DOCK11: variants seen among roughly 807,000 people sequenced by gnomAD.
DOCK11 encodes the protein dedicator of cytokinesis 11, also known as dedicator of cytokinesis protein 11.
A neutral mutation model predicts 169.1 loss-of-function variants in DOCK11; 70 were observed. The ratio of observed to expected loss-of-function variants is 0.41; its 90% CI spans 0.34 to 0.51. The LOEUF is 0.51. Among genes scored for constraint, DOCK11 ranks in the 20% least tolerant of loss-of-function variants. The pLI is 0.10. For missense variants in DOCK11, 1,166 were observed against 1,538.8 expected (o/e 0.76, Z 4.05); for synonymous variants, 529 against 541.3 (o/e 0.98, Z 0.32).
At chrX:118,515,458 C>T (rs2057676736) in intron 1 of DOCK11, among the ~76,000 whole-genome samples, 2 of 111,186 alleles carry the variant, frequency 1.8e-5, no homozygotes, top group Non-Finnish European at 3.8e-5. Flanking sequence ...GTCTCGAACT[C>T]CTGACCTCAG....
At chrX:118,664,375 G>A (rs1420727506) in intron 45 of DOCK11, among the ~76,000 whole-genome samples, 1 of 111,771 alleles carries the variant, frequency 8.9e-6, no homozygotes, top group Non-Finnish European at 1.9e-5. Flanking sequence ...TGGAACTGAG[G>A]CTGGGCGCAG....
At chrX:118,639,941 A>G (rs910788782) in intron 38 of DOCK11, among the ~76,000 whole-genome samples, 1 of 112,375 alleles carries the variant, frequency 8.9e-6, no homozygotes, top group African/African-American at 3.2e-5. Context: ...TGCTATTCTC[A>G]TAATATTTTT....
At chrX:118,662,898 G>C (rs985068512) in intron 45 of DOCK11, 106 bp downstream of exon 45, 2 of 525,328 alleles carry the variant, frequency 3.8e-6, no homozygotes, top group African/African-American at 2.4e-5. Context: ...GGTAACTAAG[G>C]GTTAATGAAC....
chrX:118,649,428 G>T (rs2015894482), intron 41 of DOCK11, among the ~76,000 whole-genome samples: 1 of 112,543 alleles, frequency 8.9e-6, no homozygotes, highest in African/African-American at 3.2e-5. Context: ...CTAGGTAATT[G>T]ATAATTACGT....
At position 118,593,139 on chromosome X, in the gene DOCK11, A is replaced by G. The variant is rs779486990; in HGVS notation, c.2140-75A>G. On this transcript the variant is annotated intron_variant, in intron 19 of 52. Coordinates refer to ENST00000276202, the MANE Select transcript of DOCK11 (RefSeq NM_144658.4). ...TAGGAAGTATTTTTGGAGCAGTATG[A>G]TGAAACTGAACTAATGTCTGACAGT... The G allele has an allele frequency of 1.1e-4, 116 of 1,080,352 alleles. No homozygotes were observed. The South Asian group carries it at 2.6e-3, about 24-fold the overall frequency. 89.0% of individuals were successfully genotyped at this position (1,080,352 alleles called of 1,213,427 possible).
intron 1 of DOCK11, among the ~76,000 whole-genome samples, chrX:118,535,085 A>G (rs1228798395): frequency 8.9e-6 from 1 of 112,566 alleles, no homozygotes; most frequent in Non-Finnish European, 1.9e-5. Flanking sequence ...GCAAGATCTC[A>G]CTTTGGTAAG....
intron 35 of DOCK11, chrX:118,633,338 A>G (rs2015301185): frequency 8.9e-6 from 1 of 112,243 alleles, no homozygotes; most frequent in South Asian, 3.7e-4. Flanking sequence ...TAAAGTTTCC[A>G]GTAAACTTTC....
Position 118,672,505 on chromosome X carries a change from T to C in DOCK11, c.5199+1360T>C, listed in dbSNP as rs766126108. Among the ~76,000 whole-genome samples the C allele has an allele frequency of 1.8e-4, 20 of 113,126 alleles. 1 individual carries two copies. The highest frequency in any genetic ancestry group is 1.8e-3 in the Admixed American group (19 of 10,767). ...CGGACTGCAGTGGCGCTATCTCGGC[T>C]CACTGCAAGCTCCACCTCCCGGGTT... On this transcript the variant is annotated intron_variant, in intron 46 of 52. Coordinates refer to ENST00000276202, the MANE Select transcript of DOCK11 (RefSeq NM_144658.4).
intron 40 of DOCK11, among the ~76,000 whole-genome samples, chrX:118,644,602 A>G (rs1355245031): frequency 8.9e-6 from 1 of 112,013 alleles, no homozygotes; most frequent in Non-Finnish European, 1.9e-5. Context: ...ATACACATAC[A>G]CAGAAACAAA....
chrX:118,590,293 C>G lies in DOCK11; in HGVS notation c.2130C>G (p.Phe710Leu). 8.4e-7 allele frequency: 1 copy of G among 1,195,666 alleles called. No individual in the cohort carries two copies. Among genetic ancestry groups the G allele is most frequent in the South Asian group, 1.8e-5 (1 of 56,099 alleles). Residue 710 changes from phenylalanine (F) to leucine (L), a missense_variant, in exon 19 of 53, where the codon TTC (phenylalanine) becomes TTG (leucine). Transcript: ENST00000276202. ...CGCATCACAACCAAAATCCAGAGTT[C>G]TATGATGAGGTAAAAATATATTATC... ...VVSHHNQNPE[F>L]YDEIKIELPI...
intron 44 of DOCK11, among the ~76,000 whole-genome samples, chrX:118,655,415 T>G (rs147272084): frequency 0.032 from 3,611 of 112,022 alleles, 135 homozygotes; most frequent in African/African-American, 0.11. Flanking sequence ...AATTAAACTC[T>G]TCTCAAGGCT....
chrX:118,566,711 A>G, intron 9 of DOCK11, 58 bp downstream of exon 9: 1 of 1,018,320 alleles, frequency 9.8e-7, no homozygotes, highest in Non-Finnish European at 1.4e-6. Flanking sequence ...TTAGCTATTA[A>G]AGTTTTAATG....
At chrX:118,585,308 C>T (rs2147414137) in intron 16 of DOCK11, among the ~76,000 whole-genome samples, 191 bp downstream of exon 16, 2 of 109,135 alleles carry the variant, frequency 1.8e-5, no homozygotes, top group South Asian at 8.0e-4. Context: ...GCTAGAAGTC[C>T]AAAATTAAGG....
intron 50 of DOCK11, 78 bp from the exon 51 acceptor site, chrX:118,681,616 T>TA: frequency 1.3e-6 from 1 of 764,126 alleles, no homozygotes; most frequent in Admixed American, 3.9e-5. Flanking sequence ...GGATTTTTAA[T>TA]AAAAAAGAGA....
chrX:118,652,169 T>G, intron 42 of DOCK11, 92 bp downstream of exon 42: 1 of 546,702 alleles, frequency 1.8e-6, no homozygotes, highest in East Asian at 3.5e-5. Context: ...CAACTTTTGT[T>G]AGTATAGAAT....
intron 1 of DOCK11, among the ~76,000 whole-genome samples, chrX:118,508,277 A>G (rs909244240): frequency 3.6e-5 from 4 of 111,696 alleles, no homozygotes; most frequent in Non-Finnish European, 7.5e-5. Context: ...TGTTTTCATG[A>G]TTTTTTTCAA....
intron 42 of DOCK11, among the ~76,000 whole-genome samples, chrX:118,653,893 ACT>A (rs1306554187): frequency 2.7e-5 from 3 of 112,327 alleles, no homozygotes; most frequent in African/African-American, 9.7e-5. Context: ...TAAAGAGGAA[ACT>A]CTGGTATTCT....
At chrX:118,598,178 C>A in intron 22 of DOCK11, 62 bp downstream of exon 22, 2 of 862,671 alleles carry the variant, frequency 2.3e-6, no homozygotes, top group Non-Finnish European at 1.7e-6. Context: ...TTAAAATAGA[C>A]CACATTTGAT....
rs755215604 is a variant in DOCK11, at chrX:118,635,373, C to CTGTT, written c.3887-967_3887-964dup. ...AGGAGTGGAAAGTCAAGTGGTGGCACTGTTTGTTTTGTTTTGTTTTGTTTT... is the reference window on the plus strand; with the variant it reads ...AGGAGTGGAAAGTCAAGTGGTGGCACTGTTTGTTTGTTTTGTTTTGTTTTGTTTT... On this transcript the variant is annotated intron_variant, in intron 35 of 52. Transcript: ENST00000276202. Among the ~76,000 whole-genome samples the CTGTT allele has an allele frequency of 8.1e-5, 9 of 111,693 alleles. No individual in the cohort carries two copies. The Admixed American group carries it at 8.6e-4, about 11-fold the overall frequency.
Sources: allele counts gnomAD v4.1 joint callset (sites outside exome capture counted in the v4.1 genomes callset), GRCh38; gene constraint gnomAD v4.1.1; transcripts MANE v1.5; gene names NCBI Gene and HGNC (gene_info 2026-07-23, HGNC 2026-07-21).